The following EIF4EBP2 variants were observed in gnomAD, a reference collection of about 807,000 sequenced individuals.
The protein encoded by EIF4EBP2 is eukaryotic translation initiation factor 4E-binding protein 2.
In EIF4EBP2, 5 loss-of-function variants were observed where a neutral mutation model predicts 10.3. That is an observed-to-expected ratio of 0.48 (90% confidence interval 0.25 to 1.02). The LOEUF (loss-of-function observed/expected upper bound fraction) is 1.02. Ranked by LOEUF, EIF4EBP2 falls within the 50% of genes least tolerant of loss-of-function variation. EIF4EBP2 has a pLI of 0.15. For synonymous variants in EIF4EBP2, 67 were observed against 61.1 expected (o/e 1.10, Z -0.45); for missense variants, 188 against 162.2 (o/e 1.16, Z -0.86).
At chr10:70,404,720 C>T (rs1844950757) in intron 1 of EIF4EBP2, among the ~76,000 whole-genome samples, 174 bp downstream of exon 1, 1 of 152,222 alleles carries the variant, frequency 6.6e-6, no homozygotes, top group Non-Finnish European at 1.5e-5. Flanking sequence ...TTCGCTCTTG[C>T]CCGCAGCTCG....
Position 70,419,956 on chromosome 10 carries a change from G to T in EIF4EBP2, c.188G>T (p.Arg63Leu). ...IYDRKFLLDR[R>L]NSPMAQTPPC... is the part of the protein sequence containing the mutation. ...GACAGAAAGTTTCTGTTGGATCGTC[G>T]CAATTCTCCCATGGCTCAGACCCCA... The change falls in exon 2 of 3, where the codon CGC becomes CTC. Residue 63 changes from arginine to leucine, a missense_variant. Transcript: ENST00000373218. The T allele has an allele frequency of 6.3e-7, 1 of 1,597,004 alleles. No homozygotes were observed. The highest frequency in any genetic ancestry group is 8.5e-7 in the Non-Finnish European group (1 of 1,174,874).
intron 1 of EIF4EBP2, among the ~76,000 whole-genome samples, chr10:70,406,375 G>C (rs1284841752): frequency 6.6e-6 from 1 of 152,204 alleles, no homozygotes; most frequent in Non-Finnish European, 1.5e-5. Context: ...AATAGATGCT[G>C]TTTTCCGAGG....
chr10:70,413,712 G>A (rs1220900442), intron 1 of EIF4EBP2, among the ~76,000 whole-genome samples: 3 of 150,768 alleles, frequency 2.0e-5, no homozygotes, highest in Non-Finnish European at 2.9e-5. Context: ...GATTATAAAC[G>A]TTGAAAATCA....
At position 70,420,108 on chromosome 10, in the gene EIF4EBP2, A is replaced by G. The variant is rs777098178; in HGVS notation, c.331+9A>G. ...CAGGAAACATGCAGTTGGTAAGAGA[A>G]TGGCGATGTTGGAGACCTAGAGCGT... is the stretch of plus-strand genomic sequence containing the variant. On this transcript the variant is annotated intron_variant, in intron 2 of 2. Coordinates refer to ENST00000373218, the MANE Select transcript of EIF4EBP2 (RefSeq NM_004096.5). 1 of 1,595,254 alleles carries G rather than the reference A, an allele frequency of 6.3e-7. No individual in the cohort carries two copies. The highest frequency in any genetic ancestry group is 1.8e-5 in the Admixed American group (1 of 56,908).
intron 1 of EIF4EBP2, among the ~76,000 whole-genome samples, chr10:70,406,985 C>G (rs1166926270): frequency 1.3e-5 from 2 of 152,154 alleles, no homozygotes; most frequent in African/African-American, 4.8e-5. Context: ...GCAAGCTCTG[C>G]CTCCTGGGTT....
intron 1 of EIF4EBP2, among the ~76,000 whole-genome samples, chr10:70,407,174 C>T (rs1286551869): frequency 6.8e-6 from 1 of 147,150 alleles, no homozygotes; most frequent in Non-Finnish European, 1.5e-5. Context: ...GGGGATTTGG[C>T]AGGGTCACAG....
At chr10:70,413,702 G>C (rs1845066319) in intron 1 of EIF4EBP2, among the ~76,000 whole-genome samples, 1 of 150,426 alleles carries the variant, frequency 6.6e-6, no homozygotes, top group African/African-American at 2.4e-5. Flanking sequence ...ACTATAGTTT[G>C]ATTATAAACG....
In EIF4EBP2 at chr10:70,424,076, AGTCT is replaced by A. The variant is rs1464505115; in HGVS notation, c.*2333_*2336del. ...AATTTGACCCAACTAGCAGCTAGTC[AGTCT>A]GTCAGTGAGCAGAAGAGTGAACTCT... is the stretch of plus-strand genomic sequence containing the variant. On this transcript the variant is annotated 3_prime_UTR_variant, in exon 3 of 3. Coordinates refer to ENST00000373218, the MANE Select transcript of EIF4EBP2 (RefSeq NM_004096.5). 6.6e-6 allele frequency: 1 copy of A among 152,224 alleles called. No individual in the cohort carries two copies. Among genetic ancestry groups the A allele is most frequent in the Admixed American group, 6.5e-5 (1 of 15,286 alleles). The allele number at this position is 152,224 out of a possible 1,614,324, so 9.4% of individuals were successfully genotyped here.
rs1845169040 is a variant in EIF4EBP2, at chr10:70,422,535, C to T, written c.*788C>T. 6.6e-6 allele frequency: 1 copy of T among 152,208 alleles called. No individual in the cohort carries two copies. 9.4% of individuals were successfully genotyped at this position (152,208 alleles called of 1,614,324 possible). A position where few individuals can be genotyped will look rare whatever the true frequency, so the allele number is the denominator to read the frequency against. ...CCAGTTTTGCTCTTCTTCTGCCACTCCTCCCTGCTTGCATCTCGTTGCTGG... is the reference window on the plus strand; with the variant it reads ...CCAGTTTTGCTCTTCTTCTGCCACTTCTCCCTGCTTGCATCTCGTTGCTGG... On this transcript the variant is annotated 3_prime_UTR_variant, in exon 3 of 3. Coordinates refer to ENST00000373218, the MANE Select transcript of EIF4EBP2 (RefSeq NM_004096.5).
Position 70,427,773 on chromosome 10 carries a change from T to C in EIF4EBP2, c.*6026T>C, listed in dbSNP as rs1385605601. 2.0e-5 allele frequency: 3 copies of C among 152,102 alleles called. No homozygotes were observed. The highest frequency in any genetic ancestry group is 7.2e-5 in the African/African-American group (3 of 41,412). 9.4% of individuals were successfully genotyped at this position (152,102 alleles called of 1,614,324 possible). A position where few individuals can be genotyped will look rare whatever the true frequency, so the allele number is the denominator to read the frequency against. ...GTATTTAAACTCTCACTCTGCCACC[T>C]TTCTAAGGGTGGGAGGCTGGCAGAG... is the stretch of plus-strand genomic sequence containing the variant. On this transcript the variant is annotated 3_prime_UTR_variant, in exon 3 of 3. Coordinates refer to ENST00000373218, the MANE Select transcript of EIF4EBP2 (RefSeq NM_004096.5).
chr10:70,415,674 A>G (rs1286442649), intron 1 of EIF4EBP2, among the ~76,000 whole-genome samples: 9 of 152,248 alleles, frequency 5.9e-5, no homozygotes, highest in African/African-American at 2.2e-4. Context: ...TTCTGTGGAA[A>G]AAGAACAGTT....
chr10:70,425,238 G>C lies in EIF4EBP2; in HGVS notation c.*3491G>C, dbSNP rs770911717. 2 of 152,262 alleles carry C rather than the reference G, an allele frequency of 1.3e-5. No homozygotes were observed. The highest frequency in any genetic ancestry group is 2.9e-5 in the Non-Finnish European group (2 of 68,080). 9.4% of individuals were successfully genotyped at this position (152,262 alleles called of 1,614,324 possible). A position where few individuals can be genotyped will look rare whatever the true frequency, so the allele number is the denominator to read the frequency against. On this transcript the variant is annotated 3_prime_UTR_variant, in exon 3 of 3. Transcript: ENST00000373218. ...TGAGCAGCTGATTCCAGAGATCATGGGGCAGGGCCAGGAGAAAGCTGCAGT... is the reference window on the plus strand; with the variant it reads ...TGAGCAGCTGATTCCAGAGATCATGCGGCAGGGCCAGGAGAAAGCTGCAGT...
At chr10:70,420,894 A>G (rs750163431) in intron 2 of EIF4EBP2, among the ~76,000 whole-genome samples, 2 of 152,118 alleles carry the variant, frequency 1.3e-5, no homozygotes, top group Non-Finnish European at 2.9e-5. Context: ...TCCCGGGTTC[A>G]CGCCATTCTC....
At chr10:70,409,323 C>T (rs1048008649) in intron 1 of EIF4EBP2, among the ~76,000 whole-genome samples, 7 of 151,558 alleles carry the variant, frequency 4.6e-5, no homozygotes, top group Non-Finnish European at 7.4e-5. Flanking sequence ...TTTCTATCTG[C>T]CTGTGGAGGA....
At chr10:70,413,283 G>C (rs1043440997) in intron 1 of EIF4EBP2, among the ~76,000 whole-genome samples, 5 of 152,026 alleles carry the variant, frequency 3.3e-5, no homozygotes, top group African/African-American at 1.2e-4. Flanking sequence ...CCATTCACCT[G>C]TCCTCCTGCC....
intron 1 of EIF4EBP2, among the ~76,000 whole-genome samples, chr10:70,406,913 T>A (rs10762379): frequency 0.44 from 66,876 of 151,966 alleles, 15,584 homozygotes; most frequent in East Asian, 0.66. Flanking sequence ...TTATTTATTT[T>A]TGGAGACGGA....
rs1845221648 is a variant in EIF4EBP2, at chr10:70,428,015, G to T, written c.*6268G>T. On this transcript the variant is annotated 3_prime_UTR_variant, in exon 3 of 3. Coordinates refer to ENST00000373218, the MANE Select transcript of EIF4EBP2 (RefSeq NM_004096.5). ...CCAAGGGTACTTTTAACTGGAAACT[G>T]GGGAGGAGGGAAGAACACTAGCAGG... is the stretch of plus-strand genomic sequence containing the variant. The T allele has an allele frequency of 6.7e-6, 1 of 149,614 alleles. No homozygotes were observed. Among genetic ancestry groups the T allele is most frequent in the Admixed American group, 6.7e-5 (1 of 14,996 alleles). The allele number at this position is 149,614 out of a possible 1,614,324, so 9.3% of individuals were successfully genotyped here.
chr10:70,416,508 G>A (rs888297346), intron 1 of EIF4EBP2, among the ~76,000 whole-genome samples: 1 of 151,228 alleles, frequency 6.6e-6, no homozygotes, highest in Admixed American at 6.6e-5. Flanking sequence ...GAACCCAGGA[G>A]GCGGAGGTTG....
intron 1 of EIF4EBP2, among the ~76,000 whole-genome samples, chr10:70,408,473 G>A (rs914384580): frequency 5.3e-5 from 8 of 152,206 alleles, no homozygotes; most frequent in East Asian, 1.9e-4. Flanking sequence ...ACATGGTGCC[G>A]TTGCAGTTGG....
Sources: allele counts gnomAD v4.1 joint callset (sites outside exome capture counted in the v4.1 genomes callset), GRCh38; gene constraint gnomAD v4.1.1; transcripts MANE v1.5; gene names NCBI Gene and HGNC (gene_info 2026-07-23, HGNC 2026-07-21).